Variants in TEX11 observed in about 807,000 individuals in gnomAD.
TEX11 encodes the protein testis expressed 11.
TEX11 carries 7 observed loss-of-function variants against 84.4 expected under a neutral mutation model. The ratio of observed to expected loss-of-function variants is 0.08; its 90% CI spans 0.05 to 0.16. The LOEUF is 0.16. Among genes scored for constraint, TEX11 ranks in the 10% least tolerant of loss-of-function variants. The pLI is 1.00. For missense variants in TEX11, 551 were observed against 660.5 expected, an observed-to-expected ratio of 0.83 and a Z score of 1.82; for synonymous variants, 264 against 222.8, an observed-to-expected ratio of 1.18 and a Z score of -1.64.
intron 25 of TEX11, among the ~76,000 whole-genome samples, chrX:70,566,330 T>C (rs1413696124): frequency 9.7e-6 from 1 of 102,610 alleles, no homozygotes; most frequent in Non-Finnish European, 2.0e-5. Flanking sequence ...TTTCTAGATA[T>C]ACAATCATGT....
Position 70,887,611 on chromosome X carries a change from C to T in TEX11, c.38-7502G>A, listed in dbSNP as rs1398530687. Among the ~76,000 whole-genome samples, 4 of 112,467 alleles carry T rather than the reference C, an allele frequency of 3.6e-5. No individual in the cohort carries two copies. The East Asian group carries it at 1.1e-3, about 31-fold the overall frequency. ...CCATCTCCAGGTCCCGGCTCCCAGACAGCATCTCTGGACCCACCCAGGGCC... is the reference window on the plus strand; with the variant it reads ...CCATCTCCAGGTCCCGGCTCCCAGATAGCATCTCTGGACCCACCCAGGGCC... On this transcript the variant is annotated intron_variant, in intron 2 of 29. Coordinates refer to ENST00000374333, the MANE Select transcript of TEX11 (RefSeq NM_031276.3).
At chrX:70,565,673 T>C (rs1484968718) in intron 25 of TEX11, among the ~76,000 whole-genome samples, 8 of 109,938 alleles carry the variant, frequency 7.3e-5, no homozygotes, top group African/African-American at 2.3e-4. Context: ...CCTTTCCCCA[T>C]TGCTTGTTTT....
At chrX:70,662,449 T>C (rs1478617072) in intron 16 of TEX11, among the ~76,000 whole-genome samples, 2 of 111,566 alleles carry the variant, frequency 1.8e-5, no homozygotes, top group Admixed American at 9.5e-5. Context: ...CTGCAGGATA[T>C]TATCCAGGAG....
chrX:70,888,621 C>G (rs1602212663), intron 2 of TEX11, among the ~76,000 whole-genome samples: 1 of 110,925 alleles, frequency 9.0e-6, no homozygotes, highest in East Asian at 2.8e-4. Flanking sequence ...TAGTTATTGG[C>G]CTTAAAGATG....
intron 9 of TEX11, among the ~76,000 whole-genome samples, chrX:70,765,383 G>T (rs995112882): frequency 9.0e-6 from 1 of 111,366 alleles, no homozygotes; most frequent in Non-Finnish European, 1.9e-5. Flanking sequence ...GACAGAGCAA[G>T]ACTTTGTCTC....
chrX:70,814,016 G>T (rs996399443), intron 8 of TEX11, among the ~76,000 whole-genome samples: 1 of 111,562 alleles, frequency 9.0e-6, no homozygotes, highest in African/African-American at 3.3e-5. Context: ...CATGAAAATG[G>T]TCATACTGCC....
chrX:70,570,043 C>T (rs2088567720), intron 25 of TEX11, among the ~76,000 whole-genome samples: 1 of 112,126 alleles, frequency 8.9e-6, no homozygotes, highest in Admixed American at 9.4e-5. Flanking sequence ...CTTCCTCGAG[C>T]TGTGGTGGGC....
chrX:70,578,471 G>A (rs1473834479), intron 25 of TEX11, among the ~76,000 whole-genome samples: 2 of 111,811 alleles, frequency 1.8e-5, no homozygotes, highest in Admixed American at 1.9e-4. Flanking sequence ...CAGGGAAGGT[G>A]AACACTGTAA....
chrX:70,608,203 C>A (rs756138764), intron 22 of TEX11, among the ~76,000 whole-genome samples: 1 of 112,323 alleles, frequency 8.9e-6, no homozygotes, highest in Non-Finnish European at 1.9e-5. Flanking sequence ...TAAGAAAGAT[C>A]TTGAACATTA....
intron 17 of TEX11, among the ~76,000 whole-genome samples, chrX:70,645,286 A>T (rs1024807617): frequency 9.1e-6 from 1 of 110,310 alleles, no homozygotes; most frequent in Non-Finnish European, 1.9e-5. Flanking sequence ...TCATTCCATG[A>T]TTTAAAAAAA....
chrX:70,730,364 G>T (rs1402704122), intron 11 of TEX11, among the ~76,000 whole-genome samples: 1 of 111,726 alleles, frequency 9.0e-6, no homozygotes, highest in Admixed American at 9.5e-5. Context: ...TGGCAAATTG[G>T]ATAAAGAGTC....
At chrX:70,590,107 T>A (rs2088909161) in intron 25 of TEX11, among the ~76,000 whole-genome samples, 2 of 112,194 alleles carry the variant, frequency 1.8e-5, no homozygotes, top group East Asian at 2.8e-4. Flanking sequence ...CACGAAAAGA[T>A]GATATGTTTT....
chrX:70,551,378 C>A (rs1032804928), intron 28 of TEX11, among the ~76,000 whole-genome samples: 1 of 110,758 alleles, frequency 9.0e-6, no homozygotes, highest in Non-Finnish European at 1.9e-5. Flanking sequence ...TTTTAAAAAA[C>A]TAAAAGTATA....
chrX:70,640,785 G>A (rs1011165838), intron 17 of TEX11, among the ~76,000 whole-genome samples: 3 of 110,691 alleles, frequency 2.7e-5, no homozygotes, highest in African/African-American at 9.9e-5. Flanking sequence ...AACATGGAAA[G>A]GAACAACGGG....
At chrX:70,640,104 G>A (rs1341929960) in intron 17 of TEX11, among the ~76,000 whole-genome samples, 2 of 109,090 alleles carry the variant, frequency 1.8e-5, no homozygotes, top group East Asian at 2.9e-4. Flanking sequence ...ACCAAGGCTC[G>A]AGAACTACCT....
chrX:70,726,613 C>G (rs1218516744), intron 11 of TEX11, among the ~76,000 whole-genome samples: 1 of 110,795 alleles, frequency 9.0e-6, no homozygotes, highest in East Asian at 2.8e-4. Flanking sequence ...TCACTGCAAC[C>G]TCCGTCTCCC....
At chrX:70,564,577 C>T (rs1332329861) in intron 25 of TEX11, among the ~76,000 whole-genome samples, 1 of 91,624 alleles carries the variant, frequency 1.1e-5, no homozygotes, top group Admixed American at 1.3e-4. Context: ...ACAACAGTCC[C>T]CAGAGTGTGA....
intron 4 of TEX11, 26 bp from the exon 5 acceptor site, chrX:70,860,962 T>C: frequency 9.9e-7 from 1 of 1,013,475 alleles, no homozygotes; most frequent in South Asian, 2.1e-5. Flanking sequence ...TAGACAATGA[T>C]AAACACAAAA....
At chrX:70,601,460 A>T (rs1296778019) in intron 24 of TEX11, among the ~76,000 whole-genome samples, 1 of 99,532 alleles carries the variant, frequency 1.0e-5, no homozygotes, top group East Asian at 3.2e-4. Flanking sequence ...CTGGTACCAT[A>T]CCTTCTGAAA....
Sources: allele counts gnomAD v4.1 joint callset (sites outside exome capture counted in the v4.1 genomes callset), GRCh38; gene constraint gnomAD v4.1.1; transcripts MANE v1.5; gene names NCBI Gene and HGNC (gene_info 2026-07-23, HGNC 2026-07-21).